Variants in FOXN3 observed in about 807,000 individuals in gnomAD.
FOXN3 encodes forkhead box protein N3.
Under a neutral mutation model 38.4 loss-of-function variants are expected in FOXN3, and 7 were observed. The observed-to-expected ratio is 0.18, with a 90% CI of 0.10 to 0.34. The LOEUF (loss-of-function observed/expected upper bound fraction) is 0.34, where lower values mean the gene tolerates loss of function less well. Ranked by LOEUF, FOXN3 falls within the 10% of genes least tolerant of loss-of-function variation. The probability of loss-of-function intolerance (pLI) is 1.00; values close to 1 mark genes in which losing one functional copy is unlikely to be tolerated. For missense variants in FOXN3, 456 were observed against 613.4 expected (o/e 0.74, Z 2.71); for synonymous variants, 230 against 242.2 (o/e 0.95, Z 0.47).
intron 1 of FOXN3, among the ~76,000 whole-genome samples, chr14:89,423,169 G>T (rs1209741322): frequency 6.6e-6 from 1 of 152,176 alleles, no homozygotes; most frequent in East Asian, 1.9e-4. Flanking sequence ...CCACAAATAA[G>T]CAAACACACA....
At chr14:89,570,873 C>T (rs983957122) in intron 1 of FOXN3, among the ~76,000 whole-genome samples, 1 of 152,064 alleles carries the variant, frequency 6.6e-6, no homozygotes, top group South Asian at 2.1e-4. Flanking sequence ...GGTAGCGATG[C>T]CCCATGTAGG....
intron 4 of FOXN3, among the ~76,000 whole-genome samples, chr14:89,195,392 C>T (rs553523975): frequency 2.3e-4 from 35 of 152,334 alleles, no homozygotes; most frequent in Admixed American, 5.2e-4. Context: ...TTTCTGTGGT[C>T]AAGAGAGACT....
At chr14:89,235,091 T>G (rs945603899) in intron 4 of FOXN3, among the ~76,000 whole-genome samples, 2 of 152,204 alleles carry the variant, frequency 1.3e-5, no homozygotes, top group Admixed American at 1.3e-4. Flanking sequence ...CCTGAGAGCG[T>G]GGGCTATTTC....
At chr14:89,325,631 C>T (rs938365529) in intron 3 of FOXN3, among the ~76,000 whole-genome samples, 1 of 152,194 alleles carries the variant, frequency 6.6e-6, no homozygotes, top group African/African-American at 2.4e-5. Flanking sequence ...GAGGACATGA[C>T]TTGTGGTGAT....
intron 3 of FOXN3, among the ~76,000 whole-genome samples, chr14:89,345,481 A>G (rs1888735206): frequency 6.6e-6 from 1 of 152,134 alleles, no homozygotes; most frequent in South Asian, 2.1e-4. Flanking sequence ...CAACACTGGT[A>G]TACTACTATT....
chr14:89,318,592 C>T (rs1887803891), intron 3 of FOXN3, among the ~76,000 whole-genome samples: 1 of 152,210 alleles, frequency 6.6e-6, no homozygotes, highest in Non-Finnish European at 1.5e-5. Context: ...TCTTGGCTAA[C>T]CGTTATCAAG....
At chr14:89,197,021 T>G (rs1484741314) in intron 4 of FOXN3, among the ~76,000 whole-genome samples, 1 of 152,184 alleles carries the variant, frequency 6.6e-6, no homozygotes, top group Non-Finnish European at 1.5e-5. Flanking sequence ...AACCATTACT[T>G]TCTTAGAAAT....
At chr14:89,373,813 A>G (rs1890392671) in intron 2 of FOXN3, among the ~76,000 whole-genome samples, 1 of 152,202 alleles carries the variant, frequency 6.6e-6, no homozygotes, top group Non-Finnish European at 1.5e-5. Flanking sequence ...AACTAGTAAA[A>G]GTTTTACTAT....
At chr14:89,447,216 A>AC (rs1892520903) in intron 1 of FOXN3, among the ~76,000 whole-genome samples, 1 of 151,808 alleles carries the variant, frequency 6.6e-6, no homozygotes, top group Admixed American at 6.6e-5. Flanking sequence ...AAAAAAAAAA[A>AC]ACGAATTCCT....
intron 4 of FOXN3, among the ~76,000 whole-genome samples, chr14:89,206,104 C>G (rs2139825561): frequency 6.6e-6 from 1 of 152,332 alleles, no homozygotes. Context: ...ACTTCCCAGC[C>G]TCCAGAACTG....
chr14:89,401,267 C>T (rs3783844), intron 2 of FOXN3, among the ~76,000 whole-genome samples: 1 of 151,856 alleles, frequency 6.6e-6, no homozygotes, highest in Non-Finnish European at 1.5e-5. Context: ...CATGGTGAAA[C>T]CCCGTTTTCA....
At chr14:89,367,853 C>CT (rs1890203391) in intron 2 of FOXN3, among the ~76,000 whole-genome samples, 1 of 152,098 alleles carries the variant, frequency 6.6e-6, no homozygotes, top group South Asian at 2.1e-4. Context: ...ACCCTCCCCT[C>CT]GTCTCCCAGA....
chr14:89,547,031 C>G (rs1345205149), intron 1 of FOXN3, among the ~76,000 whole-genome samples: 1 of 151,692 alleles, frequency 6.6e-6, no homozygotes, highest in Non-Finnish European at 1.5e-5. Flanking sequence ...GCGATCCACC[C>G]GCCGCAGCCT....
chr14:89,551,704 GCA>G (rs1223597234), intron 1 of FOXN3, among the ~76,000 whole-genome samples: 4 of 152,142 alleles, frequency 2.6e-5, no homozygotes, highest in Non-Finnish European at 4.4e-5. Context: ...TCTCCAGCCA[GCA>G]CAGTGTCCAG....
intron 3 of FOXN3, among the ~76,000 whole-genome samples, chr14:89,304,681 G>C (rs1203979010): frequency 1.3e-5 from 2 of 152,142 alleles, no homozygotes; most frequent in African/African-American, 4.8e-5. Context: ...GGATAAAGCA[G>C]AGTATGGGCT....
intron 2 of FOXN3, among the ~76,000 whole-genome samples, chr14:89,372,746 C>T (rs1223647143): frequency 6.6e-6 from 1 of 151,782 alleles, no homozygotes; most frequent in African/African-American, 2.4e-5. Flanking sequence ...CTCCAGCAAA[C>T]CTACAAGATA....
intron 4 of FOXN3, among the ~76,000 whole-genome samples, chr14:89,222,232 C>A (rs931473574): frequency 6.6e-6 from 1 of 152,200 alleles, no homozygotes; most frequent in East Asian, 1.9e-4. Flanking sequence ...TGCCTATGCC[C>A]ACTGTGGGGC....
At chr14:89,528,960 T>A (rs1027486645) in intron 1 of FOXN3, among the ~76,000 whole-genome samples, 20 of 152,168 alleles carry the variant, frequency 1.3e-4, no homozygotes, top group African/African-American at 2.4e-5. Context: ...AAGCCACGGA[T>A]GTACACATAC....
At chr14:89,293,734 A>G (rs1450924163) in intron 3 of FOXN3, among the ~76,000 whole-genome samples, 1 of 152,174 alleles carries the variant, frequency 6.6e-6, no homozygotes, top group Non-Finnish European at 1.5e-5. Context: ...GGACATCAAC[A>G]TATGAATGGA....
Sources: gnomAD v4.1 joint callset for allele counts (sites outside exome capture counted in the v4.1 genomes callset) on GRCh38, gnomAD v4.1.1 for gene constraint, MANE v1.5 for transcripts, NCBI Gene and HGNC (gene_info 2026-07-23, HGNC 2026-07-21) for gene names.